MEI4: variants seen among roughly 807,000 people sequenced by gnomAD.
MEI4 encodes the protein meiosis-specific protein MEI4.
MEI4 carries 27 observed loss-of-function variants against 31.4 expected under a neutral mutation model. The observed-to-expected ratio is 0.86, with a 90% CI of 0.63 to 1.19. The LOEUF (loss-of-function observed/expected upper bound fraction) is 1.19, where lower values mean the gene tolerates loss of function less well. Among genes scored for constraint, MEI4 ranks in the 50% most tolerant of loss-of-function variants. The probability of loss-of-function intolerance (pLI) is 0.00; values close to 1 mark genes in which losing one functional copy is unlikely to be tolerated. For synonymous variants in MEI4, 122 were observed against 145.4 expected (o/e 0.84, Z 1.16); for missense variants, 329 against 398.9 (o/e 0.82, Z 1.49).
intron 2 of MEI4, among the ~76,000 whole-genome samples, chr6:77,707,346 A>G (rs975202500): frequency 6.6e-6 from 1 of 152,218 alleles, no homozygotes; most frequent in South Asian, 2.1e-4. Flanking sequence ...ATTTCTAAGC[A>G]GTAATGTTTA....
At chr6:77,794,050 C>A (rs1367446280) in intron 3 of MEI4, among the ~76,000 whole-genome samples, 1 of 152,044 alleles carries the variant, frequency 6.6e-6, no homozygotes, top group East Asian at 1.9e-4. Context: ...TGGCTGCCTA[C>A]AAGGAACTCA....
At chr6:77,751,254 A>G (rs1014386307) in intron 2 of MEI4, among the ~76,000 whole-genome samples, 1 of 152,160 alleles carries the variant, frequency 6.6e-6, no homozygotes, top group East Asian at 1.9e-4. Context: ...GAAGACAAGA[A>G]ATAACTAAGA....
At chr6:77,867,956 C>T (rs1053926493) in intron 4 of MEI4, among the ~76,000 whole-genome samples, 4 of 151,978 alleles carry the variant, frequency 2.6e-5, no homozygotes, top group Admixed American at 6.6e-5. Context: ...TCTCAGCAAA[C>T]TATTGCAAGG....
At chr6:77,826,615 G>T (rs963283624) in intron 3 of MEI4, among the ~76,000 whole-genome samples, 3 of 152,200 alleles carry the variant, frequency 2.0e-5, no homozygotes, top group Middle Eastern at 3.4e-3. Flanking sequence ...GCATTGTGTC[G>T]TTTTCTTAGT....
intron 3 of MEI4, among the ~76,000 whole-genome samples, chr6:77,785,502 C>T (rs954705002): frequency 1.4e-4 from 22 of 152,154 alleles, no homozygotes; most frequent in Non-Finnish European, 1.8e-4. Flanking sequence ...AGGGCACAGA[C>T]TAGACATTTC....
At chr6:77,770,632 G>C (rs747041057) in intron 3 of MEI4, among the ~76,000 whole-genome samples, 1 of 152,086 alleles carries the variant, frequency 6.6e-6, no homozygotes, top group Non-Finnish European at 1.5e-5. Context: ...AAACAGCAAG[G>C]TGCTGGTATA....
intron 4 of MEI4, among the ~76,000 whole-genome samples, chr6:77,860,687 A>G (rs563220989): frequency 2.6e-5 from 4 of 152,198 alleles, no homozygotes; most frequent in Admixed American, 6.5e-5. Flanking sequence ...TATATTATGT[A>G]TATATAGTAC....
chr6:77,808,650 A>T (rs1479703892), intron 3 of MEI4, among the ~76,000 whole-genome samples: 1 of 152,224 alleles, frequency 6.6e-6, no homozygotes, highest in Non-Finnish European at 1.5e-5. Flanking sequence ...AGAGAGTTTC[A>T]TCACTATTAA....
intron 2 of MEI4, among the ~76,000 whole-genome samples, chr6:77,745,198 C>T (rs1767558892): frequency 2.6e-5 from 4 of 152,242 alleles, no homozygotes; most frequent in South Asian, 2.1e-4. Context: ...AGTCAAGACC[C>T]ATCAGTGTGC....
At chr6:77,793,289 T>G (rs1768988539) in intron 3 of MEI4, among the ~76,000 whole-genome samples, 2 of 152,206 alleles carry the variant, frequency 1.3e-5, no homozygotes, top group African/African-American at 4.8e-5. Flanking sequence ...AGAATACTCA[T>G]TCCAGCAAAG....
At chr6:77,656,906 G>A (rs1768408392) in intron 1 of MEI4, among the ~76,000 whole-genome samples, 1 of 151,878 alleles carries the variant, frequency 6.6e-6, no homozygotes, top group African/African-American at 2.4e-5. Context: ...AGTATTTTTA[G>A]TAAACCCTCT....
At chr6:77,712,920 G>A (rs1766498670) in intron 2 of MEI4, among the ~76,000 whole-genome samples, 1 of 151,116 alleles carries the variant, frequency 6.6e-6, no homozygotes, top group Admixed American at 6.6e-5. Flanking sequence ...GCAGTGAGCC[G>A]AGATAGGGCC....
At chr6:77,661,954 C>A (rs1329691680) in intron 1 of MEI4, among the ~76,000 whole-genome samples, 4 of 152,118 alleles carry the variant, frequency 2.6e-5, no homozygotes, top group African/African-American at 9.7e-5. Flanking sequence ...CCTTTTGATG[C>A]CCCTTGCAGT....
At chr6:77,695,897 C>T (rs1766022563) in intron 2 of MEI4, among the ~76,000 whole-genome samples, 1 of 152,210 alleles carries the variant, frequency 6.6e-6, no homozygotes, top group Non-Finnish European at 1.5e-5. Flanking sequence ...TACCCATGAG[C>T]ATGGAATGGT....
At chr6:77,848,463 A>G (rs1770538207) in intron 4 of MEI4, among the ~76,000 whole-genome samples, 1 of 152,208 alleles carries the variant, frequency 6.6e-6, no homozygotes, top group South Asian at 2.1e-4. Context: ...CAAGAGTGAC[A>G]GGCACATTAT....
At chr6:77,726,696 G>T (rs1222352776) in intron 2 of MEI4, among the ~76,000 whole-genome samples, 1 of 152,112 alleles carries the variant, frequency 6.6e-6, no homozygotes, top group African/African-American at 2.4e-5. Flanking sequence ...GTAGGAGAGA[G>T]GAAGGAACTA....
At chr6:77,895,388 A>T (rs1462915513) in intron 4 of MEI4, among the ~76,000 whole-genome samples, 1 of 152,070 alleles carries the variant, frequency 6.6e-6, no homozygotes, top group Non-Finnish European at 1.5e-5. Flanking sequence ...GTCTCAATGC[A>T]TCATCACTAA....
chr6:77,862,566 C>A (rs115744216), intron 4 of MEI4, among the ~76,000 whole-genome samples: 1,888 of 152,278 alleles, frequency 0.012, 47 homozygotes, highest in African/African-American at 0.043. Flanking sequence ...AGTAGGTAAA[C>A]AAAGCAGCCC....
chr6:77,903,218 A>C (rs1301706237), intron 4 of MEI4, among the ~76,000 whole-genome samples: 1 of 151,614 alleles, frequency 6.6e-6, no homozygotes, highest in Non-Finnish European at 1.5e-5. Flanking sequence ...CTGACTTGTG[A>C]TGGTTAACTT....
Sources: allele counts gnomAD v4.1 joint callset (sites outside exome capture counted in the v4.1 genomes callset), GRCh38; gene constraint gnomAD v4.1.1; transcripts MANE v1.5; gene names NCBI Gene and HGNC (gene_info 2026-07-23, HGNC 2026-07-21).